RSF1: variants seen among roughly 807,000 people sequenced by gnomAD.
RSF1 encodes HBV pX-associated protein 8.
Under a neutral mutation model 145.2 loss-of-function variants are expected in RSF1, and 13 were observed. The observed-to-expected ratio is 0.09, with a 90% confidence interval of 0.06 to 0.14. The LOEUF (loss-of-function observed/expected upper bound fraction) is 0.14, where lower values mean the gene tolerates loss of function less well. RSF1 is among the 10% of genes least tolerant of loss of function. The pLI is 1.00. For synonymous variants in RSF1, 577 were observed against 592.6 expected, an observed-to-expected ratio of 0.97 and a Z score of 0.38; for missense variants, 1,517 against 1,718.2, an observed-to-expected ratio of 0.88 and a Z score of 2.07.
chr11:77,819,254 T>A (rs530077660), intron 1 of RSF1, among the ~76,000 whole-genome samples: 34 of 152,352 alleles, frequency 2.2e-4, no homozygotes, highest in Middle Eastern at 6.8e-3. Context: ...AGAGACCTAT[T>A]TGGAAAACGT....
At chr11:77,853,482 G>A in the RSF1 span, among the ~76,000 whole-genome samples, 3 of 152,052 alleles carry the variant, frequency 2.0e-5, no homozygotes, top group African/African-American at 4.8e-5. Flanking sequence ...TCACTATCAC[G>A]AGAACAGCAA....
chr11:77,703,833 AG>A (rs1356012527), intron 5 of RSF1, among the ~76,000 whole-genome samples: 1 of 152,248 alleles, frequency 6.6e-6, no homozygotes, highest in Non-Finnish European at 1.5e-5. Context: ...AAATAAGGTA[AG>A]AAAAAAACAG....
intron 1 of RSF1, among the ~76,000 whole-genome samples, chr11:77,771,993 A>C (rs939463281): frequency 6.6e-6 from 1 of 152,180 alleles, no homozygotes; most frequent in African/African-American, 2.4e-5. Context: ...ACCTTTGCCA[A>C]TCTTAATCCA....
intron 5 of RSF1, among the ~76,000 whole-genome samples, chr11:77,711,141 C>T (rs1216113414): frequency 9.5e-6 from 1 of 104,746 alleles, no homozygotes. Context: ...ACATTTTTAA[C>T]TTAAAAAAAA....
At chr11:77,710,090 T>G (rs1299370172) in intron 5 of RSF1, among the ~76,000 whole-genome samples, 1 of 152,186 alleles carries the variant, frequency 6.6e-6, no homozygotes, top group African/African-American at 2.4e-5. Flanking sequence ...CCAAGAGAGC[T>G]ATACATGCCT....
intron 14 of RSF1, among the ~76,000 whole-genome samples, chr11:77,674,273 T>C (rs1275751336): frequency 6.6e-6 from 1 of 152,242 alleles, no homozygotes; most frequent in East Asian, 1.9e-4. Flanking sequence ...TCTAATAAGA[T>C]GACACCTATC....
intron 1 of RSF1, among the ~76,000 whole-genome samples, chr11:77,812,587 T>C (rs1773176737): frequency 2.0e-5 from 3 of 152,076 alleles, no homozygotes; most frequent in Admixed American, 2.0e-4. Flanking sequence ...ATGCTCTTCT[T>C]TCTTAAAATC....
At chr11:77,741,051 T>C (rs2135910777) in intron 3 of RSF1, 115 bp from the exon 4 acceptor site, 1 of 738,682 alleles carries the variant, frequency 1.4e-6, no homozygotes, top group South Asian at 1.7e-5. Flanking sequence ...ACACAAATAC[T>C]GTATTCCTTC....
At chr11:77,687,342 G>C (rs1216530034) in intron 9 of RSF1, among the ~76,000 whole-genome samples, 1 of 152,134 alleles carries the variant, frequency 6.6e-6, no homozygotes, top group Non-Finnish European at 1.5e-5. Context: ...TACACAATCT[G>C]AGAACTTAGT....
intron 2 of RSF1, among the ~76,000 whole-genome samples, chr11:77,761,337 T>C (rs1948169862): frequency 6.6e-6 from 1 of 152,220 alleles, no homozygotes; most frequent in African/African-American, 2.4e-5. Context: ...CTTTCATTTT[T>C]TAACATTTCT....
chr11:77,715,552 A>G (rs1960787702), intron 5 of RSF1, among the ~76,000 whole-genome samples: 1 of 151,496 alleles, frequency 6.6e-6, no homozygotes, highest in African/African-American at 2.4e-5. Context: ...GGTTCAAGCG[A>G]TTCTCCTGCC....
chr11:77,693,085 C>T (rs958978498), intron 8 of RSF1, among the ~76,000 whole-genome samples: 1 of 152,078 alleles, frequency 6.6e-6, no homozygotes, highest in African/African-American at 2.4e-5. Context: ...AGAAATTTGC[C>T]TAAGATAGAA....
chr11:77,688,808 C>T (rs1401145026), intron 9 of RSF1, among the ~76,000 whole-genome samples: 1 of 152,150 alleles, frequency 6.6e-6, no homozygotes, highest in Non-Finnish European at 1.5e-5. Context: ...ATTCAAAGTA[C>T]TTTTATGTCC....
intron 2 of RSF1, among the ~76,000 whole-genome samples, chr11:77,750,402 G>A (rs1041031868): frequency 6.6e-6 from 1 of 152,158 alleles, no homozygotes; most frequent in African/African-American, 2.4e-5. Context: ...CTGTATTCCC[G>A]TAACACTTTG....
intron 5 of RSF1, among the ~76,000 whole-genome samples, chr11:77,723,072 A>G (rs961350108): frequency 6.6e-6 from 1 of 152,244 alleles, no homozygotes; most frequent in South Asian, 2.1e-4. Flanking sequence ...ACCAAAATGA[A>G]CAAGTAACAT....
chr11:77,847,420 C>T, the RSF1 span, among the ~76,000 whole-genome samples: 3 of 152,160 alleles, frequency 2.0e-5, no homozygotes, highest in African/African-American at 7.2e-5. Context: ...AGAAAGAGAG[C>T]CCTAACACAT....
chr11:77,720,505 TC>T, intron 5 of RSF1, among the ~76,000 whole-genome samples: 1 of 152,282 alleles, frequency 6.6e-6, no homozygotes, highest in Non-Finnish European at 1.5e-5. Context: ...GATCTTAAAC[TC>T]CCATAAAAGG....
chr11:77,776,959 C>T (rs576934299), intron 1 of RSF1, among the ~76,000 whole-genome samples: 7 of 152,202 alleles, frequency 4.6e-5, no homozygotes, highest in African/African-American at 1.7e-4. Flanking sequence ...ACTTCTTGAA[C>T]TACAAATAGA....
rs760824899 is a variant in RSF1, at chr11:77,702,409, T to G, written c.820A>C (p.Thr274Pro). Residue 274 changes from threonine to proline, a missense_variant, in exon 6 of 16, where the codon ACT (threonine) becomes CCT (proline). Coordinates refer to ENST00000308488, the MANE Select transcript of RSF1 (RefSeq NM_016578.4). ...NRSTANVLEETTVKKEKEDEK... is the reference protein window; with the variant it reads ...NRSTANVLEEPTVKKEKEDEK... ...TCTTCTTTTTCTTTTTTCACAGTAGTCTCTTCTAGAACATTGGCTGTAGAA... is the reference window on the plus strand; with the variant it reads ...TCTTCTTTTTCTTTTTTCACAGTAGGCTCTTCTAGAACATTGGCTGTAGAA... The G allele has an allele frequency of 1.9e-6, 3 of 1,607,882 alleles. No individual in the cohort carries two copies. The highest frequency in any genetic ancestry group is 2.5e-6 in the Non-Finnish European group (3 of 1,178,612).
Sources: gnomAD v4.1 joint callset for allele counts (sites outside exome capture counted in the v4.1 genomes callset) on GRCh38, gnomAD v4.1.1 for gene constraint, MANE v1.5 for transcripts, NCBI Gene and HGNC (gene_info 2026-07-23, HGNC 2026-07-21) for gene names.